The following DIAPH2 variants were observed in gnomAD, a reference collection of about 807,000 sequenced individuals.
DIAPH2 encodes the protein protein diaphanous homolog 2.
A neutral mutation model predicts 92.7 loss-of-function variants in DIAPH2; 35 were observed. The observed-to-expected ratio is 0.38, with a 90% confidence interval of 0.29 to 0.50. DIAPH2 has a LOEUF of 0.50. Ranked by LOEUF, DIAPH2 falls within the 20% of genes least tolerant of loss-of-function variation. The pLI is 0.94. For synonymous variants in DIAPH2, 301 were observed against 280.4 expected, an observed-to-expected ratio of 1.07 and a Z score of -0.73; for missense variants, 701 against 819.5, an observed-to-expected ratio of 0.86 and a Z score of 1.77.
At chrX:96,933,309 T>G (rs1383309408) in intron 10 of DIAPH2, among the ~76,000 whole-genome samples, 1 of 109,241 alleles carries the variant, frequency 9.2e-6, no homozygotes, top group Non-Finnish European at 1.9e-5. Flanking sequence ...TTTTTCATTT[T>G]CCTTTTCCGT....
intron 4 of DIAPH2, among the ~76,000 whole-genome samples, chrX:96,763,901 T>C (rs777591141): frequency 1.4e-4 from 15 of 110,448 alleles, no homozygotes; most frequent in Non-Finnish European, 1.9e-5. Flanking sequence ...CTGAGGTATC[T>C]AGAATAGTGG....
intron 26 of DIAPH2, among the ~76,000 whole-genome samples, chrX:97,440,461 A>G (rs2070242299): frequency 1.8e-5 from 2 of 109,790 alleles, no homozygotes; most frequent in East Asian, 2.9e-4. Flanking sequence ...GTGTGGTGGC[A>G]GACACCTGTA....
At chrX:97,427,724 G>A (rs1416074830) in intron 25 of DIAPH2, among the ~76,000 whole-genome samples, 4 of 108,338 alleles carry the variant, frequency 3.7e-5, no homozygotes, top group African/African-American at 1.0e-4. Context: ...TCTGTTGCCC[G>A]GGCTGGAGTG....
In DIAPH2 at chrX:97,160,067, A is replaced by G. The variant is rs764048807; in HGVS notation, c.2719+18273A>G. ...TTGTTTCCTTGAGGGATTCTGGGCA[A>G]GGGTGTTTAAGGGGATTCATAAAAG... On this transcript the variant is annotated intron_variant, in intron 22 of 26. Transcript: ENST00000324765. Among the ~76,000 whole-genome samples, 224 of 54,688 alleles carry G rather than the reference A, an allele frequency of 4.1e-3. 1 individual carries two copies. Among genetic ancestry groups the G allele is most frequent in the African/African-American group, 0.016 (212 of 13,505 alleles). The allele number at this position is 54,688 out of a possible 115,157, so 47.5% of individuals were successfully genotyped here.
chrX:96,847,176 A>G (rs2064977930), intron 4 of DIAPH2, among the ~76,000 whole-genome samples: 1 of 111,815 alleles, frequency 8.9e-6, no homozygotes, highest in African/African-American at 3.3e-5. Context: ...AGTTATTTCT[A>G]ATATCTAAAG....
At chrX:97,402,122 G>A (rs2069763513) in intron 25 of DIAPH2, among the ~76,000 whole-genome samples, 1 of 111,169 alleles carries the variant, frequency 9.0e-6, no homozygotes, top group African/African-American at 3.3e-5. Flanking sequence ...TATGGCTTTG[G>A]TTGATGTATA....
At chrX:97,404,902 C>T (rs1435575814) in intron 25 of DIAPH2, among the ~76,000 whole-genome samples, 1 of 111,989 alleles carries the variant, frequency 8.9e-6, no homozygotes, top group Non-Finnish European at 1.9e-5. Flanking sequence ...AAAGTGCAAA[C>T]ATGGCAGATA....
At chrX:97,238,483 T>C (rs185935727) in intron 22 of DIAPH2, among the ~76,000 whole-genome samples, 2 of 111,516 alleles carry the variant, frequency 1.8e-5, no homozygotes, top group Admixed American at 1.9e-4. Context: ...TGATGGTACT[T>C]AAGAACACAT....
At chrX:97,559,692 A>T (rs1310087425) in intron 26 of DIAPH2, among the ~76,000 whole-genome samples, 1 of 111,957 alleles carries the variant, frequency 8.9e-6, no homozygotes, top group East Asian at 2.8e-4. Context: ...GTTGAATTAA[A>T]ATGATCAAAA....
intron 23 of DIAPH2, among the ~76,000 whole-genome samples, chrX:97,328,553 A>G (rs1287674492): frequency 8.9e-6 from 1 of 111,836 alleles, no homozygotes; most frequent in African/African-American, 3.2e-5. Flanking sequence ...ATCTCAGTAA[A>G]CATCTCAGTT....
intron 4 of DIAPH2, among the ~76,000 whole-genome samples, chrX:96,775,470 TGA>T (rs2064371539): frequency 9.2e-6 from 1 of 108,608 alleles, no homozygotes; most frequent in African/African-American, 3.3e-5. Flanking sequence ...TGACTAAAAT[TGA>T]GAGTTTTTTC....
chrX:97,469,675 T>C (rs1383507784), intron 26 of DIAPH2: 4 of 1,199,332 alleles, frequency 3.3e-6, no homozygotes, highest in Non-Finnish European at 2.3e-6. Flanking sequence ...TTTTTCTCTT[T>C]ATTTCTTCTT....
At chrX:97,598,699 A>G (rs1244200460) in intron 26 of DIAPH2, among the ~76,000 whole-genome samples, 8 of 111,882 alleles carry the variant, frequency 7.2e-5, no homozygotes, top group African/African-American at 2.6e-4. Context: ...AATAGGTCCT[A>G]TTCATTATTC....
intron 10 of DIAPH2, among the ~76,000 whole-genome samples, chrX:96,933,404 G>A (rs947909413): frequency 3.8e-5 from 4 of 104,861 alleles, no homozygotes; most frequent in Non-Finnish European, 7.8e-5. Flanking sequence ...ATCACAGCTC[G>A]CTGCAGCCTC....
intron 4 of DIAPH2, among the ~76,000 whole-genome samples, chrX:96,869,493 C>T (rs891002054): frequency 1.8e-5 from 2 of 109,162 alleles, no homozygotes; most frequent in African/African-American, 3.4e-5. Flanking sequence ...ACCCAGGAGG[C>T]GCAGGTTGCA....
chrX:96,999,318 C>T (rs898840604), intron 17 of DIAPH2, among the ~76,000 whole-genome samples: 6 of 109,425 alleles, frequency 5.5e-5, no homozygotes, highest in Admixed American at 9.8e-5. Flanking sequence ...ATCGAGACCA[C>T]GGTGAAACCC....
chrX:96,782,594 C>T (rs951231510), intron 4 of DIAPH2, among the ~76,000 whole-genome samples: 17 of 111,295 alleles, frequency 1.5e-4, no homozygotes, highest in East Asian at 2.8e-4. Context: ...CCACCGCGCC[C>T]GGCCTTGTTT....
chrX:97,336,243 CTTTTT>C (rs1186112131), intron 23 of DIAPH2, among the ~76,000 whole-genome samples: 34 of 91,727 alleles, frequency 3.7e-4, no homozygotes, highest in African/African-American at 1.4e-3. Flanking sequence ...CTTTTCTTTT[CTTTTT>C]TTTTTTTTTT....
chrX:96,731,627 C>A (rs1252471380), intron 1 of DIAPH2, among the ~76,000 whole-genome samples: 1 of 111,341 alleles, frequency 9.0e-6, no homozygotes, highest in Non-Finnish European at 1.9e-5. Context: ...AATTTTCTTA[C>A]AATAATGACT....
Sources: allele counts gnomAD v4.1 joint callset (sites outside exome capture counted in the v4.1 genomes callset), GRCh38; gene constraint gnomAD v4.1.1; transcripts MANE v1.5; gene names NCBI Gene and HGNC (gene_info 2026-07-23, HGNC 2026-07-21).